Variants in SYNRG observed in about 807,000 individuals in gnomAD.
SYNRG encodes AP1 gamma subunit binding protein 1.
In SYNRG, 37 loss-of-function variants were observed where a neutral mutation model predicts 130.9. That is an observed-to-expected ratio of 0.28 (90% CI 0.22 to 0.37). SYNRG has a LOEUF of 0.37. Among genes scored for constraint, SYNRG ranks in the 10% least tolerant of loss-of-function variants. SYNRG has a pLI of 1.00. For missense variants in SYNRG, 1,338 were observed against 1,588.9 expected, an observed-to-expected ratio of 0.84 and a Z score of 2.68; for synonymous variants, 539 against 568.1, an observed-to-expected ratio of 0.95 and a Z score of 0.73.
intron 15 of SYNRG, chr17:37,541,268 G>A (rs2057732990): frequency 1.0e-6 from 1 of 985,436 alleles, no homozygotes; most frequent in Non-Finnish European, 1.2e-6. Flanking sequence ...CTGTCAGGAT[G>A]AGATTAAAGC....
intron 8 of SYNRG, among the ~76,000 whole-genome samples, chr17:37,575,512 T>A (rs1213345274): frequency 6.6e-6 from 1 of 152,098 alleles, no homozygotes; most frequent in Non-Finnish European, 1.5e-5. Context: ...CTTTTCTTTT[T>A]TTTTTCTTCT....
chr17:37,581,258 TTTA>T (rs1312936875), intron 6 of SYNRG, among the ~76,000 whole-genome samples: 2 of 149,432 alleles, frequency 1.3e-5, no homozygotes, highest in African/African-American at 4.9e-5. Flanking sequence ...CTTCTTCACA[TTTA>T]TTATTATTAT....
At chr17:37,530,454 C>A in intron 19 of SYNRG, among the ~76,000 whole-genome samples, 1 of 152,174 alleles carries the variant, frequency 6.6e-6, no homozygotes, top group East Asian at 1.9e-4. Context: ...TCACAGGCAC[C>A]CTCGGCACAT....
In SYNRG at chr17:37,553,820, C is replaced by T; in HGVS notation, c.1903G>A (p.Ala635Thr). ...CSSEKPLSFS[A>T]VFSTSKSVST... ...ACTGATTTTGATGTGCTAAACACAG[C>T]TGAAAAAGACAATGGTTTCTCGCTG... Residue 635 changes from alanine (A) to threonine (T), a missense_variant, in exon 14 of 22, where the codon GCT becomes ACT. Physicochemically the swap from Ala to Thr is moderately conservative, Grantham distance 58 (BLOSUM62 0). This residue lies in a region of SYNRG where 1,146 missense variants were observed against 1,342.3 expected (regional missense o/e 0.85). Transcript: ENST00000612223. 1 of 1,613,308 alleles carries T rather than the reference C, an allele frequency of 6.2e-7. No homozygotes were observed. The highest frequency in any genetic ancestry group is 8.5e-7 in the Non-Finnish European group (1 of 1,179,874).
intron 6 of SYNRG, among the ~76,000 whole-genome samples, chr17:37,581,727 C>G (rs1286781602): frequency 6.6e-6 from 1 of 150,496 alleles, no homozygotes; most frequent in African/African-American, 2.5e-5. Flanking sequence ...GCTGGGAATA[C>G]AGGTGTGCAC....
intron 11 of SYNRG, among the ~76,000 whole-genome samples, chr17:37,563,021 GT>G (rs553296837): frequency 7.9e-5 from 12 of 151,998 alleles, no homozygotes; most frequent in Non-Finnish European, 1.6e-4. Context: ...AATCTTTAGG[GT>G]AATGAACTAC....
At chr17:37,552,724 AGAG>A (rs1273377469) in intron 14 of SYNRG, among the ~76,000 whole-genome samples, 65 of 152,340 alleles carry the variant, frequency 4.3e-4, no homozygotes, top group Non-Finnish European at 2.9e-5. Context: ...TGTATACCCA[AGAG>A]AAGAAAAAAG....
chr17:37,598,714 A>G (rs1041816959), intron 2 of SYNRG, among the ~76,000 whole-genome samples: 7 of 152,246 alleles, frequency 4.6e-5, no homozygotes, highest in Admixed American at 1.3e-4. Flanking sequence ...CAACTGTTAA[A>G]AAAAAATCTC....
chr17:37,589,107 G>A (rs906403636), intron 3 of SYNRG, among the ~76,000 whole-genome samples: 2 of 152,274 alleles, frequency 1.3e-5, no homozygotes, highest in South Asian at 2.1e-4. Context: ...ACTACTGATG[G>A]CACTTAAGAT....
intron 1 of SYNRG, among the ~76,000 whole-genome samples, chr17:37,601,174 T>C (rs1028927881): frequency 2.6e-5 from 4 of 152,060 alleles, no homozygotes; most frequent in African/African-American, 9.7e-5. Context: ...TTCAAGCAAT[T>C]CTCCTGCCTC....
chr17:37,536,059 C>T lies in SYNRG; in HGVS notation c.3586G>A (p.Glu1196Lys). 6.2e-7 allele frequency: 1 copy of T among 1,614,176 alleles called. No individual in the cohort carries two copies. Among genetic ancestry groups the T allele is most frequent in the Non-Finnish European group, 8.5e-7 (1 of 1,180,032 alleles). The stretch of plus-strand genomic sequence containing the variant: ...TCCTTCAGCAACTGCTGGAGTTTCT[C>T]ACTGCACACTGCAGTGGCTTTTATC... ...LGIKATAVCS[E>K]KLQQLLKDID... The change falls in exon 19 of 22, where the codon GAG (glutamate) becomes AAG (lysine). Residue 1196 changes from glutamate to lysine, a missense_variant. Physicochemically the swap from Glu to Lys is moderately conservative, Grantham distance 56 (BLOSUM62 1). This residue lies in a region of SYNRG where 1,146 missense variants were observed against 1,342.3 expected (regional missense o/e 0.85). Coordinates refer to ENST00000612223, the MANE Select transcript of SYNRG (RefSeq NM_007247.6).
intron 6 of SYNRG, among the ~76,000 whole-genome samples, chr17:37,578,501 A>G (rs2061032984): frequency 6.6e-6 from 1 of 152,188 alleles, no homozygotes; most frequent in South Asian, 2.1e-4. Context: ...TACCTTTGAA[A>G]TCTGACAACC....
At chr17:37,554,121 GTATAT>G (rs2058920272) in intron 13 of SYNRG, 62 bp from the exon 14 acceptor site, 1 of 1,460,850 alleles carries the variant, frequency 6.8e-7, no homozygotes, top group Non-Finnish European at 9.3e-7. Context: ...ATAATACACA[GTATAT>G]TAAACTGCAA....
chr17:37,542,165 C>A lies in SYNRG; in HGVS notation c.3009G>T (p.Thr1003=). ...LPTAERSQEA[T]CPSPASSGAS... ...CACCACTGGACGCTGGGCTGGGACA[C>A]GTGGCCTCCTGGCTCCGTTCAGCCG... The change falls in exon 15 of 22, where the codon ACG becomes ACT. Residue 1003 remains threonine, a synonymous_variant. Coordinates refer to ENST00000612223, the MANE Select transcript of SYNRG (RefSeq NM_007247.6). 6.2e-7 allele frequency: 1 copy of A among 1,614,182 alleles called. No homozygotes were observed. Among genetic ancestry groups the A allele is most frequent in the Non-Finnish European group, 8.5e-7 (1 of 1,180,026 alleles).
intron 2 of SYNRG, among the ~76,000 whole-genome samples, chr17:37,597,405 C>T (rs952824431): frequency 3.3e-5 from 5 of 152,168 alleles, no homozygotes; most frequent in Admixed American, 1.3e-4. Context: ...ATTTGTTACA[C>T]AACAGCAGAT....
chr17:37,598,769 T>C (rs2063004700), intron 2 of SYNRG, among the ~76,000 whole-genome samples: 4 of 152,228 alleles, frequency 2.6e-5, no homozygotes, highest in Admixed American at 2.6e-4. Flanking sequence ...AGGCAACACT[T>C]TGGGGTCTCT....
chr17:37,538,233 C>T (rs1187492162), intron 18 of SYNRG, 91 bp downstream of exon 18: 5 of 948,050 alleles, frequency 5.3e-6, no homozygotes, highest in East Asian at 5.2e-5. Context: ...TCATATGTAA[C>T]TTGAGAGATC....
intron 9 of SYNRG, among the ~76,000 whole-genome samples, chr17:37,571,521 G>A (rs2060432538): frequency 6.6e-6 from 1 of 152,184 alleles, no homozygotes; most frequent in Admixed American, 6.5e-5. Flanking sequence ...GGCGGAAGCT[G>A]CAGTGAGCTG....
intron 15 of SYNRG, 103 bp downstream of exon 15, chr17:37,541,869 C>G: frequency 1.8e-6 from 2 of 1,102,012 alleles, no homozygotes; most frequent in South Asian, 1.5e-5. Flanking sequence ...TTAGAACAAT[C>G]TATTTCCTGC....
Sources: gnomAD v4.1 joint callset for allele counts (sites outside exome capture counted in the v4.1 genomes callset) on GRCh38, gnomAD v4.1.1 for gene constraint, gnomAD v4.1.1 regional missense constraint, MANE v1.5 for transcripts, NCBI Gene and HGNC (gene_info 2026-07-23, HGNC 2026-07-21) for gene names.